The following DOCK10 variants were observed in gnomAD, a reference collection of about 807,000 sequenced individuals.
DOCK10 encodes dedicator of cytokinesis 10.
Under a neutral mutation model 280.1 loss-of-function variants are expected in DOCK10, and 145 were observed. That is an observed-to-expected ratio of 0.52 (90% CI 0.45 to 0.59). The LOEUF (loss-of-function observed/expected upper bound fraction) is 0.59, where lower values mean the gene tolerates loss of function less well. Among genes scored for constraint, DOCK10 ranks in the 20% least tolerant of loss-of-function variants. The pLI is 0.00. For synonymous variants in DOCK10, 915 were observed against 942.2 expected (o/e 0.97, Z 0.53); for missense variants, 2,368 against 2,651.7 (o/e 0.89, Z 2.35).
At chr2:224,840,135 A>C in intron 23 of DOCK10, 63 bp from the exon 24 acceptor site, 2 of 714,518 alleles carry the variant, frequency 2.8e-6, no homozygotes, top group Admixed American at 5.1e-5. Flanking sequence ...TACATTCAAG[A>C]CCTGAAACTA....
intron 31 of DOCK10, among the ~76,000 whole-genome samples, chr2:224,812,156 T>C (rs1432185281): frequency 2.6e-5 from 4 of 152,358 alleles, no homozygotes; most frequent in Admixed American, 6.5e-5. Context: ...TCCTCTTTTA[T>C]TTCACTGAGC....
intron 3 of DOCK10, among the ~76,000 whole-genome samples, chr2:224,899,843 T>A (rs2125846980): frequency 6.6e-6 from 1 of 152,342 alleles, no homozygotes; most frequent in South Asian, 2.1e-4. Flanking sequence ...CAAACCAGTG[T>A]ATATTCTAAG....
At chr2:224,973,818 C>A (rs2126219312) in intron 1 of DOCK10, among the ~76,000 whole-genome samples, 2 of 152,312 alleles carry the variant, frequency 1.3e-5, no homozygotes, top group Admixed American at 1.3e-4. Flanking sequence ...ACACTGCCAG[C>A]AAGTGCTTTG....
At chr2:224,795,692 C>T (rs114282790) in intron 44 of DOCK10, among the ~76,000 whole-genome samples, 1 of 152,118 alleles carries the variant, frequency 6.6e-6, no homozygotes, top group Non-Finnish European at 1.5e-5. Context: ...GAGGCAAGAT[C>T]GAGGCAGTAG....
At chr2:224,957,331 C>A (rs2126146090) in intron 1 of DOCK10, among the ~76,000 whole-genome samples, 1 of 149,108 alleles carries the variant, frequency 6.7e-6, no homozygotes, top group East Asian at 2.0e-4. Context: ...CACTCTGCCA[C>A]CCAGGCTAAA....
At position 225,042,336 on chromosome 2, in the gene DOCK10, C is replaced by T; in HGVS notation, c.39G>A (p.Leu13=). ...GCTCGGCCGCCTGCCCAGGTCTCAA[C>T]AGGCTCCGGGTGAACCTGCGGGTCC... The part of the protein sequence containing the change: ...GERTRRFTRS[L]LRPGQAAELR... The change falls in exon 1 of 56, where the codon CTG becomes CTA. Residue 13 remains leucine (L), a synonymous_variant. Coordinates refer to ENST00000258390, the MANE Select transcript of DOCK10 (RefSeq NM_014689.3). The surrounding 1 kb of genome is among the most constrained non-coding windows in gnomAD (Gnocchi z 5.1). The T allele has an allele frequency of 7.5e-7, 1 of 1,342,096 alleles. No individual in the cohort carries two copies. The highest frequency in any genetic ancestry group is 1.9e-5 in the South Asian group (1 of 53,212). The allele number at this position is 1,342,096 out of a possible 1,614,324, so 83.1% of individuals were successfully genotyped here.
intron 51 of DOCK10, among the ~76,000 whole-genome samples, chr2:224,777,095 A>G (rs777643101): frequency 3.3e-5 from 5 of 152,228 alleles, no homozygotes; most frequent in Non-Finnish European, 7.3e-5. Context: ...CATTTGATAG[A>G]GGTTGGCTAA....
chr2:225,018,957 G>A (rs1689708244), intron 1 of DOCK10, among the ~76,000 whole-genome samples: 2 of 149,988 alleles, frequency 1.3e-5, no homozygotes, highest in South Asian at 2.1e-4. Context: ...GTATATATGT[G>A]TATATATAAT....
intron 7 of DOCK10, among the ~76,000 whole-genome samples, chr2:224,882,560 G>A (rs1301730152): frequency 3.3e-5 from 5 of 152,156 alleles, no homozygotes; most frequent in Admixed American, 6.5e-5. Context: ...TAAGGAAAAC[G>A]ATGATATGGA....
intron 3 of DOCK10, among the ~76,000 whole-genome samples, chr2:224,915,666 C>A (rs950681172): frequency 6.6e-6 from 1 of 152,166 alleles, no homozygotes; most frequent in Admixed American, 6.5e-5. Flanking sequence ...ACCACTTTCT[C>A]AGGATTCAAG....
At chr2:224,841,730 G>A (rs528580610) in intron 23 of DOCK10, 74 bp downstream of exon 23, 69 of 925,022 alleles carry the variant, frequency 7.5e-5, no homozygotes, top group South Asian at 6.1e-4. Flanking sequence ...TTTGCCCATC[G>A]GTGGAAAATG....
At chr2:224,892,427 G>GAAAGAAAAGAAAAGAAAAGA (rs61162322) in intron 4 of DOCK10, among the ~76,000 whole-genome samples, 7,317 of 93,386 alleles carry the variant, frequency 0.078, 360 homozygotes, top group African/African-American at 0.099. Context: ...AAAAAAGAAA[G>GAAAGAAAAGAAAAGAAAAGA]AAAGAAAAGA....
intron 28 of DOCK10, 64 bp from the exon 29 acceptor site, chr2:224,819,593 A>G (rs1367798849): frequency 1.0e-6 from 1 of 996,068 alleles, no homozygotes; most frequent in Non-Finnish European, 1.5e-6. Context: ...GATTTTAGAA[A>G]ATATGATTAA....
intron 1 of DOCK10, among the ~76,000 whole-genome samples, chr2:225,035,616 G>A (rs1327773599): frequency 9.7e-5 from 11 of 112,906 alleles, no homozygotes; most frequent in Admixed American, 6.8e-4. Context: ...ATTGTGTGTT[G>A]TATTAGTCAG....
At position 225,012,190 on chromosome 2, in the gene DOCK10, C is replaced by G. The variant is rs187804628; in HGVS notation, c.123+30062G>C. Among the ~76,000 whole-genome samples the G allele has an allele frequency of 5.5e-4, 84 of 152,286 alleles. No individual in the cohort carries two copies. In the Middle Eastern group the frequency reaches 0.014, roughly 25 times the overall value. ...TTGAGGCCCAGACACTTAGACTTGC[C>G]ATCAGTTCCACTGAGTTGGTAGCTT... On this transcript the variant is annotated intron_variant, in intron 1 of 55. Transcript: ENST00000258390.
In DOCK10 at chr2:224,773,220, G is replaced by A. The variant is rs1457048923; in HGVS notation, c.6141C>T (p.Cys2047=). 2 of 1,613,790 alleles carry A rather than the reference G, an allele frequency of 1.2e-6. No individual in the cohort carries two copies. Among genetic ancestry groups the A allele is most frequent in the Non-Finnish European group, 1.7e-6 (2 of 1,179,890 alleles). ...TGATCATGTCCACTTCTTCCATTGT[G>A]CAAAGCTGATTAAGCTCAGAAACCT... ...SKKVSELNQL[C]TMEEVDMIRL... is the part of the protein sequence containing the mutation. The change falls in exon 53 of 56, where the codon TGC becomes TGT. Residue 2047 remains cysteine (C), a synonymous_variant. Coordinates refer to ENST00000258390, the MANE Select transcript of DOCK10 (RefSeq NM_014689.3).
chr2:224,786,440 G>A lies in DOCK10; in HGVS notation c.5655+582C>T, dbSNP rs1317008506. ...ACTTTCAGGCCAACACTGTGGCTAA[G>A]TAATATTTTCCATCTTCTTCATTGC... On this transcript the variant is annotated intron_variant, in intron 50 of 55. Coordinates refer to ENST00000258390, the MANE Select transcript of DOCK10 (RefSeq NM_014689.3). The surrounding 1 kb of genome is among the most constrained non-coding windows in gnomAD (Gnocchi z 4.7). 6.6e-6 allele frequency among the ~76,000 whole-genome samples: 1 copy of A among 152,180 alleles called. No individual in the cohort carries two copies. Among genetic ancestry groups the A allele is most frequent in the Non-Finnish European group, 1.5e-5 (1 of 68,034 alleles).
rs996876671 is a variant in DOCK10 at position 225,019,650 on chromosome 2, C to T, written c.123+22602G>A. ...GGTCTGCTCCTCATTTCTCTGATGG[C>T]AAATCTTTCATTCTGAAGCAGAGGG... On this transcript the variant is annotated intron_variant, in intron 1 of 55. Coordinates refer to ENST00000258390, the MANE Select transcript of DOCK10 (RefSeq NM_014689.3). 4.6e-5 allele frequency among the ~76,000 whole-genome samples: 7 copies of T among 152,238 alleles called. No homozygotes were observed. In the South Asian group the frequency reaches 1.5e-3, roughly 32 times the overall value.
At chr2:224,945,490 A>T (rs1703352645) in intron 1 of DOCK10, among the ~76,000 whole-genome samples, 1 of 152,148 alleles carries the variant, frequency 6.6e-6, no homozygotes, top group African/African-American at 2.4e-5. Flanking sequence ...CCAATGGCAG[A>T]CACACACTCC....
Sources: allele counts gnomAD v4.1 joint callset (sites outside exome capture counted in the v4.1 genomes callset), GRCh38; gene constraint gnomAD v4.1.1; non-coding constraint Gnocchi (gnomAD v3.1); transcripts MANE v1.5; gene names NCBI Gene and HGNC (gene_info 2026-07-23, HGNC 2026-07-21).